The following FER1L6 variants were observed in gnomAD, a reference collection of about 807,000 sequenced individuals.
FER1L6 encodes the protein fer-1 like family member 6.
A neutral mutation model predicts 219.2 loss-of-function variants in FER1L6; 177 were observed. The observed-to-expected ratio is 0.81, with a 90% confidence interval of 0.71 to 0.91. The LOEUF is 0.91. Among genes scored for constraint, FER1L6 ranks in the 40% least tolerant of loss-of-function variants. The probability of loss-of-function intolerance (pLI) is 0.00; values close to 1 mark genes in which losing one functional copy is unlikely to be tolerated. For synonymous variants in FER1L6, 768 were observed against 824.3 expected (o/e 0.93, Z 1.17); for missense variants, 2,153 against 2,259.9 (o/e 0.95, Z 0.96).
At chr8:124,094,855 C>T in intron 34 of FER1L6, 41 bp from the exon 35 acceptor site, 2 of 1,609,782 alleles carry the variant, frequency 1.2e-6, no homozygotes, top group Non-Finnish European at 1.7e-6. Flanking sequence ...TGTCTCCTTG[C>T]AGGAACACAC....
chr8:123,913,371 A>G (rs1462917102), intron 1 of FER1L6, among the ~76,000 whole-genome samples: 1 of 152,166 alleles, frequency 6.6e-6, no homozygotes, highest in Non-Finnish European at 1.5e-5. Context: ...ACAAAAATCT[A>G]TTCTTTTTAT....
chr8:123,990,542 A>G (rs907384189), intron 12 of FER1L6, among the ~76,000 whole-genome samples: 1 of 151,802 alleles, frequency 6.6e-6, no homozygotes, highest in African/African-American at 2.4e-5. Context: ...AGAAATGTCT[A>G]TTTATGTCAT....
intron 1 of FER1L6, among the ~76,000 whole-genome samples, chr8:123,899,549 C>T (rs1034544254): frequency 6.6e-6 from 1 of 152,116 alleles, no homozygotes; most frequent in African/African-American, 2.4e-5. Flanking sequence ...GTTTTTATCG[C>T]ATTTGCTTTT....
At chr8:124,017,770 C>A in intron 16 of FER1L6, 52 bp downstream of exon 16, 1 of 1,458,060 alleles carries the variant, frequency 6.9e-7, no homozygotes, top group Non-Finnish European at 9.6e-7. Flanking sequence ...ATAAACCTCA[C>A]GGATGAGGCA....
chr8:123,870,594 C>T (rs2130275882), intron 1 of FER1L6, among the ~76,000 whole-genome samples: 1 of 152,272 alleles, frequency 6.6e-6, no homozygotes, highest in East Asian at 1.9e-4. Context: ...GTGTAACATT[C>T]TGAAAAAGGC....
chr8:124,060,919 A>C, intron 24 of FER1L6: 2 of 457,678 alleles, frequency 4.4e-6, no homozygotes, highest in Non-Finnish European at 7.5e-6. Flanking sequence ...GCAGGTTGAC[A>C]AACTTTTTCC....
chr8:124,118,552 C>G (rs184562043), intron 39 of FER1L6, among the ~76,000 whole-genome samples: 164 of 152,238 alleles, frequency 1.1e-3, no homozygotes, highest in African/African-American at 3.7e-3. Context: ...TTTCAGATGT[C>G]AAGTGTTTAC....
At chr8:124,006,261 G>A (rs1817651187) in intron 13 of FER1L6, among the ~76,000 whole-genome samples, 1 of 152,188 alleles carries the variant, frequency 6.6e-6, no homozygotes, top group African/African-American at 2.4e-5. Flanking sequence ...GATGGTAAGG[G>A]AAGGGTTTAG....
rs111722923 is a variant in FER1L6, at chr8:123,855,011, T to A, written c.-8+2826T>A. Among the ~76,000 whole-genome samples, 260 of 152,276 alleles carry A rather than the reference T, an allele frequency of 1.7e-3. 1 individual carries two copies. The highest frequency in any genetic ancestry group is 5.8e-3 in the African/African-American group (243 of 41,544). ...CACCTCTACCTAGTTCTAAAGCAGT[T>A]TTAGCTCCAAAGGAGACCCTATTAC... On this transcript the variant is annotated intron_variant, in intron 1 of 40. Coordinates refer to ENST00000522917, the MANE Select transcript of FER1L6 (RefSeq NM_001039112.2).
At chr8:124,021,528 A>C in intron 16 of FER1L6, 22 bp from the exon 17 acceptor site, 1 of 1,613,184 alleles carries the variant, frequency 6.2e-7, no homozygotes, top group Non-Finnish European at 8.5e-7. Context: ...AAAGACCCAC[A>C]CTGACTCTTG....
At chr8:124,114,907 A>ATATATATG (rs1823178256) in intron 39 of FER1L6, among the ~76,000 whole-genome samples, 2 of 127,446 alleles carry the variant, frequency 1.6e-5, no homozygotes, top group Non-Finnish European at 3.1e-5. Context: ...ATATATATAT[A>ATATATATG]TATATATATA....
chr8:124,012,741 A>G (rs1371308708), intron 14 of FER1L6, among the ~76,000 whole-genome samples: 1 of 152,242 alleles, frequency 6.6e-6, no homozygotes, highest in Non-Finnish European at 1.5e-5. Context: ...GAATGTGTAA[A>G]GAGGGGAACA....
chr8:124,007,710 C>G (rs999978018), intron 13 of FER1L6, among the ~76,000 whole-genome samples: 1 of 152,148 alleles, frequency 6.6e-6, no homozygotes, highest in African/African-American at 2.4e-5. Context: ...TTTAGCCAAG[C>G]AGGTAACCTA....
intron 1 of FER1L6, among the ~76,000 whole-genome samples, chr8:123,919,833 C>T (rs1396480360): frequency 6.6e-6 from 1 of 152,102 alleles, no homozygotes; most frequent in Non-Finnish European, 1.5e-5. Flanking sequence ...ACCTAAGGTC[C>T]CTGCACCTGA....
Position 124,096,297 on chromosome 8 carries a change from A to G in FER1L6, c.4696-974A>G, listed in dbSNP as rs182641974. Among the ~76,000 whole-genome samples the G allele has an allele frequency of 4.6e-5, 7 of 152,166 alleles. No individual in the cohort carries two copies. In the East Asian group the frequency reaches 1.4e-3, roughly 29 times the overall value. ...AAAATAAATCATCCTGCTTTTCTCT[A>G]TTCAATTGATTTTCTTCCCAAATGC... On this transcript the variant is annotated intron_variant, in intron 35 of 40. Coordinates refer to ENST00000522917, the MANE Select transcript of FER1L6 (RefSeq NM_001039112.2).
At chr8:124,027,142 TTTAAC>T (rs1818743862) in intron 18 of FER1L6, among the ~76,000 whole-genome samples, 1 of 152,184 alleles carries the variant, frequency 6.6e-6, no homozygotes, top group South Asian at 2.1e-4. Flanking sequence ...ACAATGTCAT[TTTAAC>T]TTAACTAATT....
chr8:124,048,195 G>T (rs1213838634), intron 21 of FER1L6, among the ~76,000 whole-genome samples: 3 of 152,208 alleles, frequency 2.0e-5, no homozygotes, highest in Admixed American at 6.5e-5. Flanking sequence ...TACAGCTGGG[G>T]TTGCACATAT....
chr8:124,067,606 G>C (rs907799814), intron 27 of FER1L6, among the ~76,000 whole-genome samples, 161 bp from the exon 28 acceptor site: 2 of 152,150 alleles, frequency 1.3e-5, no homozygotes, highest in African/African-American at 4.8e-5. Context: ...TTAACCCCCA[G>C]ATCTTTACAG....
Position 124,073,033 on chromosome 8 carries a change from A to G in FER1L6, c.4092+1402A>G, listed in dbSNP as rs1250067915. 2.1e-5 allele frequency among the ~76,000 whole-genome samples: 3 copies of G among 141,776 alleles called. No individual in the cohort carries two copies. In the East Asian group the frequency reaches 6.1e-4, roughly 29 times the overall value. 93.0% of individuals were successfully genotyped at this position (141,776 alleles called of 152,430 possible). On this transcript the variant is annotated intron_variant, in intron 31 of 40. Transcript: ENST00000522917. ...AACCTATTTAGTAATCTTGAACAGC[A>G]TTTTCTAAACTTTTGCCTCATACCT...
Sources: allele counts gnomAD v4.1 joint callset (sites outside exome capture counted in the v4.1 genomes callset), GRCh38; gene constraint gnomAD v4.1.1; transcripts MANE v1.5; gene names NCBI Gene and HGNC (gene_info 2026-07-23, HGNC 2026-07-21).